LSM11: variants seen among roughly 807,000 people sequenced by gnomAD.
LSM11 encodes U7 snRNA-associated Sm-like protein LSm11.
In LSM11, 14 loss-of-function variants were observed where a neutral mutation model predicts 28.1. The ratio of observed to expected loss-of-function variants is 0.50; its 90% CI spans 0.33 to 0.78. The LOEUF (loss-of-function observed/expected upper bound fraction) is 0.78, where lower values mean the gene tolerates loss of function less well. LSM11 is among the 30% of genes least tolerant of loss of function. LSM11 has a pLI of 0.02. For synonymous variants in LSM11, 207 were observed against 214.2 expected (o/e 0.97, Z 0.30); for missense variants, 495 against 510.6 (o/e 0.97, Z 0.30).
chr5:157,747,973 A>G (rs998395066), intron 1 of LSM11, among the ~76,000 whole-genome samples: 7 of 149,896 alleles, frequency 4.7e-5, no homozygotes, highest in African/African-American at 1.7e-4. Context: ...ATAGTCTCAG[A>G]TGATTTCTGC....
At chr5:157,751,231 G>T (rs1478773364) in intron 1 of LSM11, among the ~76,000 whole-genome samples, 159 bp from the exon 2 acceptor site, 1 of 152,164 alleles carries the variant, frequency 6.6e-6, no homozygotes, top group Non-Finnish European at 1.5e-5. Flanking sequence ...TGTGTTGGCC[G>T]TACGAGCCAT....
intron 1 of LSM11, among the ~76,000 whole-genome samples, chr5:157,749,572 ACGCGCG>A (rs1185824646): frequency 7.9e-5 from 7 of 88,296 alleles, no homozygotes; most frequent in African/African-American, 2.6e-4. Context: ...ACACATATAC[ACGCGCG>A]CGCACGCGCG....
Position 157,751,536 on chromosome 5 carries a change from A to T in LSM11, c.588+7A>T, listed in dbSNP as rs1761231504. ...CGACAAGTTCTGGAATATGGTAATTAAGCCTTTCTCAAGGGGCTGGAGAAC... is the reference window on the plus strand; with the variant it reads ...CGACAAGTTCTGGAATATGGTAATTTAGCCTTTCTCAAGGGGCTGGAGAAC... On this transcript the variant is annotated splice_region_variant and intron_variant, in intron 2 of 3. Coordinates refer to ENST00000286307, the MANE Select transcript of LSM11 (RefSeq NM_173491.4). 6.2e-7 allele frequency: 1 copy of T among 1,611,494 alleles called. No homozygotes were observed. The highest frequency in any genetic ancestry group is 8.5e-7 in the Non-Finnish European group (1 of 1,179,030).
In LSM11 at chr5:157,755,286, T is replaced by A; in HGVS notation, c.*22T>A. 6.2e-7 allele frequency: 1 copy of A among 1,603,672 alleles called. No homozygotes were observed. The highest frequency in any genetic ancestry group is 8.5e-7 in the Non-Finnish European group (1 of 1,174,708). On this transcript the variant is annotated 3_prime_UTR_variant, in exon 4 of 4. Coordinates refer to ENST00000286307, the MANE Select transcript of LSM11 (RefSeq NM_173491.4). The stretch of plus-strand genomic sequence containing the variant: ...GTGACCAGCTCAGCCTGAGCTTTGG[T>A]TTTTAGAAATAAAGTGCATGAATTG...
Position 157,748,919 on chromosome 5 carries a change from A to C in LSM11, c.449-2471A>C, listed in dbSNP as rs549132071. ...TTTTTTGTCATATTTGGTCATAGAA[A>C]CCTGACTCATATCCATTTGGAGCTT... On this transcript the variant is annotated intron_variant, in intron 1 of 3. Coordinates refer to ENST00000286307, the MANE Select transcript of LSM11 (RefSeq NM_173491.4). 5.9e-5 allele frequency among the ~76,000 whole-genome samples: 9 copies of C among 152,306 alleles called. No individual in the cohort carries two copies. The East Asian group carries it at 1.5e-3, about 26-fold the overall frequency.
rs953337112 is a variant in LSM11, at chr5:157,759,935, C to T, written c.*4671C>T. 17 of 152,184 alleles carry T rather than the reference C, an allele frequency of 1.1e-4. No homozygotes were observed. The highest frequency in any genetic ancestry group is 3.6e-4 in the African/African-American group (15 of 41,436). The allele number at this position is 152,184 out of a possible 1,614,324, so 9.4% of individuals were successfully genotyped here. On this transcript the variant is annotated 3_prime_UTR_variant, in exon 4 of 4. Transcript: ENST00000286307. ...TTTCAAATGTTTGTACGTTATCTTG[C>T]ACTGCTCTAATAAAAATGAAAGCTC... is the stretch of plus-strand genomic sequence containing the variant.
At position 157,759,849 on chromosome 5, in the gene LSM11, G is replaced by T. The variant is rs146152313; in HGVS notation, c.*4585G>T. 3 of 152,304 alleles carry T rather than the reference G, an allele frequency of 2.0e-5. No homozygotes were observed. In the East Asian group the frequency reaches 5.8e-4, roughly 29 times the overall value. The allele number at this position is 152,304 out of a possible 1,614,324, so 9.4% of individuals were successfully genotyped here. A position where few individuals can be genotyped will look rare whatever the true frequency, so the allele number is the denominator to read the frequency against. ...TTTAAGATAAGCCTTTGGGGTTCCT[G>T]TCAGTTTTCTGGGCCCTGAGGAAGG... On this transcript the variant is annotated 3_prime_UTR_variant, in exon 4 of 4. Coordinates refer to ENST00000286307, the MANE Select transcript of LSM11 (RefSeq NM_173491.4).
intron 1 of LSM11, among the ~76,000 whole-genome samples, chr5:157,750,482 C>T (rs893965506): frequency 3.9e-5 from 6 of 152,206 alleles, no homozygotes; most frequent in African/African-American, 4.8e-5. Flanking sequence ...GCCAGATACT[C>T]AGCCAGGTGC....
chr5:157,754,676 A>T (rs996738698), intron 3 of LSM11, among the ~76,000 whole-genome samples, 178 bp from the exon 4 acceptor site: 3 of 134,054 alleles, frequency 2.2e-5, no homozygotes, highest in African/African-American at 8.7e-5. Context: ...TGGGCGACAG[A>T]GTGAGACTCC....
At chr5:157,748,401 C>A (rs547435997) in intron 1 of LSM11, among the ~76,000 whole-genome samples, 1 of 152,262 alleles carries the variant, frequency 6.6e-6, no homozygotes, top group South Asian at 2.1e-4. Flanking sequence ...ATGTTGACTT[C>A]TGATTAAACC....
rs1370772290 is a variant in LSM11, at chr5:157,755,541, T to G, written c.*277T>G. 1 of 534,230 alleles carries G rather than the reference T, an allele frequency of 1.9e-6. No homozygotes were observed. Among genetic ancestry groups the G allele is most frequent in the Non-Finnish European group, 3.3e-6 (1 of 305,276 alleles). 33.1% of individuals were successfully genotyped at this position (534,230 alleles called of 1,614,324 possible). On this transcript the variant is annotated 3_prime_UTR_variant, in exon 4 of 4. Transcript: ENST00000286307. ...ACTTCAGACCCTGAAACCAAATATC[T>G]GATCTTCCATTAGACTTAGGGGTCA... is the stretch of plus-strand genomic sequence containing the variant.
intron 1 of LSM11, among the ~76,000 whole-genome samples, chr5:157,748,083 G>A (rs1368323986): frequency 2.0e-5 from 3 of 151,986 alleles, no homozygotes; most frequent in African/African-American, 7.3e-5. Context: ...TGCCTTTGCC[G>A]GGTCACTGAT....
chr5:157,759,187 T>C lies in LSM11; in HGVS notation c.*3923T>C, dbSNP rs1460890286. On this transcript the variant is annotated 3_prime_UTR_variant, in exon 4 of 4. Coordinates refer to ENST00000286307, the MANE Select transcript of LSM11 (RefSeq NM_173491.4). ...GATGCATAGAGATCCTTGCTATGAG[T>C]TGTGGATAGGAGTGGCTCCATCTAT... 1.3e-5 allele frequency: 2 copies of C among 152,172 alleles called. No homozygotes were observed. Among genetic ancestry groups the C allele is most frequent in the African/African-American group, 4.8e-5 (2 of 41,436 alleles). 9.4% of individuals were successfully genotyped at this position (152,172 alleles called of 1,614,324 possible).
intron 1 of LSM11, among the ~76,000 whole-genome samples, chr5:157,749,151 G>C (rs1761188300): frequency 6.6e-6 from 1 of 152,188 alleles, no homozygotes; most frequent in Non-Finnish European, 1.5e-5. Context: ...AAGACCAATT[G>C]AAAGACCTGA....
intron 1 of LSM11, among the ~76,000 whole-genome samples, chr5:157,746,974 AG>A (rs1309731304): frequency 2.0e-5 from 3 of 152,354 alleles, no homozygotes; most frequent in East Asian, 3.9e-4. Flanking sequence ...GAAGAAAAAA[AG>A]CATAGGAGGA....
chr5:157,751,070 C>A (rs1761223226), intron 1 of LSM11, among the ~76,000 whole-genome samples: 1 of 152,174 alleles, frequency 6.6e-6, no homozygotes, highest in African/African-American at 2.4e-5. Context: ...ACGTGAGCCA[C>A]CACGCCCGGC....
Position 157,755,017 on chromosome 5 carries a change from G to T in LSM11, c.836G>T (p.Arg279Leu), listed in dbSNP as rs780925045. 51 of 1,613,990 alleles carry T rather than the reference G, an allele frequency of 3.2e-5. No individual in the cohort carries two copies. The highest frequency in any genetic ancestry group is 4.2e-5 in the Non-Finnish European group (49 of 1,179,974). The change falls in exon 4 of 4, where the codon CGC (arginine) becomes CTC (leucine). Residue 279 changes from arginine to leucine, a missense_variant. By Grantham distance (102) the Arg-to-Leu change is moderately radical. Coordinates refer to ENST00000286307, the MANE Select transcript of LSM11 (RefSeq NM_173491.4). The stretch of plus-strand genomic sequence containing the variant: ...GGCCGGGGCTCACACAAGCGTTCCC[G>T]CTCTGTCCCTTCTTCCCTGCAGGCC... ...DTGRGSHKRS[R>L]SVPSSLQASA... is the part of the protein sequence containing the mutation.
intron 2 of LSM11, among the ~76,000 whole-genome samples, chr5:157,753,314 C>T (rs1015090013): frequency 2.9e-5 from 4 of 138,500 alleles, no homozygotes; most frequent in Non-Finnish European, 4.8e-5. Context: ...TTATTATGAT[C>T]TTTTTACCTT....
Position 157,743,785 on chromosome 5 carries a change from G to T in LSM11, c.35G>T (p.Gly12Val). 7.0e-7 allele frequency: 1 copy of T among 1,435,904 alleles called. No individual in the cohort carries two copies. 88.9% of individuals were successfully genotyped at this position (1,435,904 alleles called of 1,614,324 possible). A position where few individuals can be genotyped will look rare whatever the true frequency, so the allele number is the denominator to read the frequency against. The change falls in exon 1 of 4, where the codon GGC becomes GTC. Residue 12 changes from glycine (G) to valine (V), a missense_variant. By Grantham distance (109) the Gly-to-Val change is moderately radical. Coordinates refer to ENST00000286307, the MANE Select transcript of LSM11 (RefSeq NM_173491.4). ...EERERGARSA[G>V]AGSPARPPSP... ...CGGGAGCGGGGGGCGAGGTCGGCTG[G>T]CGCCGGGAGCCCCGCGCGCCCGCCC...
Sources: gnomAD v4.1 joint callset for allele counts (sites outside exome capture counted in the v4.1 genomes callset) on GRCh38, gnomAD v4.1.1 for gene constraint, MANE v1.5 for transcripts, NCBI Gene and HGNC (gene_info 2026-07-23, HGNC 2026-07-21) for gene names.